SYTL3: variants seen among roughly 807,000 people sequenced by gnomAD.
The protein encoded by SYTL3 is synaptotagmin like 3, also known as synaptotagmin-like protein 3.
In SYTL3, 88 loss-of-function variants were observed where a neutral mutation model predicts 82.1. The ratio of observed to expected loss-of-function variants is 1.07; its 90% CI spans 0.90 to 1.28. The LOEUF is 1.28. Ranked by LOEUF, SYTL3 falls within the 50% of genes most tolerant of loss-of-function variation. The pLI, the probability that SYTL3 is intolerant of heterozygous loss-of-function variation, is 0.00. For missense variants in SYTL3, 831 were observed against 757.6 expected (o/e 1.10, Z -1.14); for synonymous variants, 311 against 289.4 (o/e 1.07, Z -0.76).
intron 7 of SYTL3, among the ~76,000 whole-genome samples, 161 bp from the exon 8 acceptor site, chr6:158,708,161 G>A (rs1440720857): frequency 6.6e-6 from 1 of 152,124 alleles, no homozygotes; most frequent in Non-Finnish European, 1.5e-5. Context: ...TAGAGCAGCA[G>A]GTCCAAGCAG....
chr6:158,741,726 T>C (rs1261254221), intron 11 of SYTL3, among the ~76,000 whole-genome samples: 2 of 152,124 alleles, frequency 1.3e-5, no homozygotes, highest in East Asian at 3.9e-4. Context: ...GGTTTGTTGT[T>C]GTGCAGAATA....
chr6:158,694,522 T>A (rs1780359974), intron 6 of SYTL3, among the ~76,000 whole-genome samples: 1 of 151,868 alleles, frequency 6.6e-6, no homozygotes, highest in Admixed American at 6.5e-5. Context: ...CCTGAACTCC[T>A]GGGCTCAAGT....
At chr6:158,674,324 C>T (rs1042491989) in intron 5 of SYTL3, among the ~76,000 whole-genome samples, 2 of 152,134 alleles carry the variant, frequency 1.3e-5, no homozygotes, top group Non-Finnish European at 1.5e-5. Flanking sequence ...GTCCCACCGT[C>T]TCTTCATCCT....
At chr6:158,646,820 A>G (rs1213694090), upstream of SYTL3, among the ~76,000 whole-genome samples, 1 of 152,046 alleles carries the variant, frequency 6.6e-6, no homozygotes, top group African/African-American at 2.4e-5. Flanking sequence ...TGATGCTGAC[A>G]TTGCTTTGCC....
chr6:158,649,563 C>G (rs553182192), upstream of SYTL3, among the ~76,000 whole-genome samples: 65 of 152,372 alleles, frequency 4.3e-4, 2 homozygotes, highest in South Asian at 0.013. Context: ...CTGAGTAATA[C>G]TACCTAGTAC....
In SYTL3 at chr6:158,764,746, A is replaced by C. The variant is rs146421379; in HGVS notation, c.*142A>C. The C allele has an allele frequency of 1.3e-3, 808 of 606,728 alleles. 11 individuals are homozygous for C. The East Asian group carries it at 0.019, about 14-fold the overall frequency. The allele number at this position is 606,728 out of a possible 1,614,324, so 37.6% of individuals were successfully genotyped here. On this transcript the variant is annotated 3_prime_UTR_variant, in exon 18 of 18. Transcript: ENST00000611299. ...CATCTGCGGCCCTGTCCCATGGCTTAACCGCCTATTGGTATCTGTGTATAT... is the reference window on the plus strand; with the variant it reads ...CATCTGCGGCCCTGTCCCATGGCTTCACCGCCTATTGGTATCTGTGTATAT...
rs1271976328 is a variant in SYTL3, at chr6:158,663,177, G to A, written c.-92G>A. The stretch of plus-strand genomic sequence containing the variant: ...GGGAGCTCTTTAAACAAGGCTGGCT[G>A]CAGCTGGCCTCCGCCGCTCATCTGC... On this transcript the variant is annotated 5_prime_UTR_variant, in exon 4 of 18. Coordinates refer to ENST00000611299, the MANE Select transcript of SYTL3 (RefSeq NM_001242394.2). 5 of 1,090,670 alleles carry A rather than the reference G, an allele frequency of 4.6e-6. No homozygotes were observed. Among genetic ancestry groups the A allele is most frequent in the Non-Finnish European group, 6.9e-6 (5 of 727,854 alleles). The allele number at this position is 1,090,670 out of a possible 1,614,324, so 67.6% of individuals were successfully genotyped here.
rs143511711 is a variant in SYTL3 at position 158,715,809 on chromosome 6, ACTTAGCGTC to A, written c.595+1934_595+1942del. Among the ~76,000 whole-genome samples the A allele has an allele frequency of 6.6e-3, 1,009 of 152,128 alleles. 11 individuals are homozygous for A. Among genetic ancestry groups the A allele is most frequent in the African/African-American group, 0.023 (948 of 41,510 alleles). ...CCTTCTCCCGTCTCTGCCACAGGACACTTAGCGTCCTGTAGGCGCTGACTCCTATTTCTT... is the reference window on the plus strand; with the variant it reads ...CCTTCTCCCGTCTCTGCCACAGGACACTGTAGGCGCTGACTCCTATTTCTT... On this transcript the variant is annotated intron_variant, in intron 9 of 17. Coordinates refer to ENST00000611299, the MANE Select transcript of SYTL3 (RefSeq NM_001242394.2).
At chr6:158,762,301 T>G in intron 16 of SYTL3, 123 bp downstream of exon 16, 1 of 694,332 alleles carries the variant, frequency 1.4e-6, no homozygotes, top group Non-Finnish European at 2.4e-6. Context: ...AGCTTTCCTA[T>G]GAAAATCTAA....
chr6:158,685,084 G>C (rs1248434645), intron 6 of SYTL3, among the ~76,000 whole-genome samples: 1 of 152,084 alleles, frequency 6.6e-6, no homozygotes, highest in East Asian at 1.9e-4. Flanking sequence ...GGTTGAAATA[G>C]GTAAGATTTG....
intron 13 of SYTL3, among the ~76,000 whole-genome samples, chr6:158,752,995 A>G (rs767409776): frequency 2.8e-4 from 42 of 152,204 alleles, no homozygotes; most frequent in South Asian, 6.2e-4. Flanking sequence ...TACAGCTCAA[A>G]GCCACAAAGG....
intron 11 of SYTL3, among the ~76,000 whole-genome samples, chr6:158,744,855 G>A (rs978362268): frequency 2.6e-5 from 4 of 152,102 alleles, no homozygotes; most frequent in Admixed American, 1.3e-4. Context: ...TATCTACATC[G>A]TATAAGCTTG....
rs546649343 is a variant in SYTL3 at position 158,734,282 on chromosome 6, C to A, written c.855+8645C>A. ...TGTGCCTTCATAGACAGCCAGTGGG[C>A]CAGTTTCTACTAATCTGCCCAGGGT... On this transcript the variant is annotated intron_variant, in intron 11 of 17. Transcript: ENST00000611299. Among the ~76,000 whole-genome samples the A allele has an allele frequency of 2.0e-5, 3 of 152,094 alleles. No individual in the cohort carries two copies. In the South Asian group the frequency reaches 6.2e-4, roughly 32 times the overall value.
At position 158,663,246 on chromosome 6, in the gene SYTL3, G is replaced by A. The variant is rs2128364495; in HGVS notation, c.-23G>A. On this transcript the variant is annotated 5_prime_UTR_variant, in exon 4 of 18. Coordinates refer to ENST00000611299, the MANE Select transcript of SYTL3 (RefSeq NM_001242394.2). ...CCATGCAGTGAAGCTCTTCCAACCTGGGTCAACGAAAACGGAGAAGAAATG... is the reference window on the plus strand; with the variant it reads ...CCATGCAGTGAAGCTCTTCCAACCTAGGTCAACGAAAACGGAGAAGAAATG... The A allele has an allele frequency of 6.2e-7, 1 of 1,611,880 alleles. No homozygotes were observed. Among genetic ancestry groups the A allele is most frequent in the Non-Finnish European group, 8.5e-7 (1 of 1,178,058 alleles).
intron 8 of SYTL3, among the ~76,000 whole-genome samples, chr6:158,708,914 C>T (rs780169727): frequency 3.9e-5 from 6 of 152,096 alleles, no homozygotes; most frequent in Non-Finnish European, 8.8e-5. Flanking sequence ...GAGGTTATGT[C>T]CCAATACGCC....
At chr6:158,723,246 T>C (rs1478361430) in intron 10 of SYTL3, among the ~76,000 whole-genome samples, 2 of 151,758 alleles carry the variant, frequency 1.3e-5, no homozygotes, top group African/African-American at 4.8e-5. Context: ...AGGCACGTGC[T>C]AATTTTTATA....
At chr6:158,752,177 T>A (rs1277364324) in intron 13 of SYTL3, 147 bp downstream of exon 13, 5 of 497,556 alleles carry the variant, frequency 1.0e-5, no homozygotes, top group Non-Finnish European at 1.7e-5. Flanking sequence ...GCTCTGTCAA[T>A]CAGTGTTAAG....
chr6:158,730,406 A>G (rs190212791), intron 11 of SYTL3, among the ~76,000 whole-genome samples: 68 of 152,328 alleles, frequency 4.5e-4, no homozygotes, highest in African/African-American at 1.4e-3. Context: ...TTTTTGTCTA[A>G]ATGCTAATTT....
At chr6:158,673,070 C>T (rs187092561) in intron 5 of SYTL3, among the ~76,000 whole-genome samples, 2 of 152,046 alleles carry the variant, frequency 1.3e-5, no homozygotes, top group Admixed American at 1.3e-4. Flanking sequence ...AGCTGGGACT[C>T]CAAGTACGCA....
Sources: allele counts gnomAD v4.1 joint callset (sites outside exome capture counted in the v4.1 genomes callset), GRCh38; gene constraint gnomAD v4.1.1; transcripts MANE v1.5; gene names NCBI Gene and HGNC (gene_info 2026-07-23, HGNC 2026-07-21).